Variants in CNTN5 observed in about 807,000 individuals in gnomAD.
CNTN5 encodes the protein contactin 5.
Under a neutral mutation model 129.1 loss-of-function variants are expected in CNTN5, and 77 were observed. The ratio of observed to expected loss-of-function variants is 0.60; its 90% CI spans 0.50 to 0.72. CNTN5 has a LOEUF of 0.72. Among genes scored for constraint, CNTN5 ranks in the 30% least tolerant of loss-of-function variants. CNTN5 has a pLI of 0.00. For synonymous variants in CNTN5, 509 were observed against 465.6 expected, an observed-to-expected ratio of 1.09 and a Z score of -1.20; for missense variants, 1,478 against 1,328.8, an observed-to-expected ratio of 1.11 and a Z score of -1.75.
At chr11:99,239,075 A>T (rs1196035499) in intron 1 of CNTN5, among the ~76,000 whole-genome samples, 1 of 152,042 alleles carries the variant, frequency 6.6e-6, no homozygotes, top group African/African-American at 2.4e-5. Flanking sequence ...TTTTTCATTC[A>T]TTGTAAACAG....
intron 1 of CNTN5, among the ~76,000 whole-genome samples, chr11:99,200,975 T>C (rs1173867225): frequency 6.6e-6 from 1 of 151,608 alleles, no homozygotes; most frequent in Non-Finnish European, 1.5e-5. Flanking sequence ...AAAAGTCTAT[T>C]TATAGCTTTC....
intron 2 of CNTN5, among the ~76,000 whole-genome samples, chr11:99,409,280 C>T (rs372767817): frequency 2.6e-4 from 39 of 152,058 alleles, no homozygotes; most frequent in East Asian, 1.2e-3. Context: ...CAAGCTAACA[C>T]GGTGAAACCG....
chr11:99,900,858 CT>C (rs1232521704), intron 6 of CNTN5, among the ~76,000 whole-genome samples: 1 of 151,844 alleles, frequency 6.6e-6, no homozygotes, highest in East Asian at 1.9e-4. Context: ...TTAATACTCC[CT>C]TTTTTTCATC....
chr11:100,089,887 T>G (rs59788361), intron 13 of CNTN5, among the ~76,000 whole-genome samples: 6,934 of 151,042 alleles, frequency 0.046, 225 homozygotes, highest in African/African-American at 0.095. Flanking sequence ...TACACTGGAG[T>G]GGGTTGGGGA....
chr11:99,232,819 CTT>C (rs1034163205), intron 1 of CNTN5, among the ~76,000 whole-genome samples: 3 of 152,152 alleles, frequency 2.0e-5, no homozygotes, highest in African/African-American at 7.2e-5. Flanking sequence ...TGGCTTGTCT[CTT>C]ATATTTCTGT....
intron 1 of CNTN5, among the ~76,000 whole-genome samples, chr11:99,032,885 G>A (rs1170858395): frequency 7.1e-6 from 1 of 141,780 alleles, no homozygotes; most frequent in African/African-American, 2.8e-5. Context: ...TTCTTCTAGG[G>A]TTTTTATGGT....
In CNTN5 at chr11:100,356,479, G is replaced by A. The variant is rs1591539988; in HGVS notation, c.*259G>A. 1 of 457,734 alleles carries A rather than the reference G, an allele frequency of 2.2e-6. No homozygotes were observed. The highest frequency in any genetic ancestry group is 3.5e-5 in the East Asian group (1 of 28,382). The allele number at this position is 457,734 out of a possible 1,614,324, so 28.4% of individuals were successfully genotyped here. A position where few individuals can be genotyped will look rare whatever the true frequency, so the allele number is the denominator to read the frequency against. ...TATGTAATGAATTTTTGTAAACAAA[G>A]GTAATTTCTGTCAAATGTATTCTTT... On this transcript the variant is annotated 3_prime_UTR_variant, in exon 25 of 25. Coordinates refer to ENST00000524871, the MANE Select transcript of CNTN5 (RefSeq NM_014361.4).
At chr11:99,660,697 C>G (rs971821681) in intron 3 of CNTN5, among the ~76,000 whole-genome samples, 7 of 152,116 alleles carry the variant, frequency 4.6e-5, no homozygotes, top group African/African-American at 1.7e-4. Flanking sequence ...GCTAGAGGAG[C>G]TGTGTAAATA....
intron 16 of CNTN5, among the ~76,000 whole-genome samples, chr11:100,229,206 C>CAT (rs1197180714): frequency 1.3e-5 from 2 of 151,992 alleles, no homozygotes; most frequent in South Asian, 2.1e-4. Flanking sequence ...TACACACACA[C>CAT]ACAAAATATT....
intron 13 of CNTN5, among the ~76,000 whole-genome samples, chr11:100,149,399 G>A (rs1374950238): frequency 6.6e-6 from 1 of 152,162 alleles, no homozygotes; most frequent in Non-Finnish European, 1.5e-5. Context: ...TGGAATTGAA[G>A]TATAGCTCTT....
intron 21 of CNTN5, among the ~76,000 whole-genome samples, chr11:100,329,891 C>T (rs972750818): frequency 6.6e-6 from 1 of 152,134 alleles, no homozygotes; most frequent in African/African-American, 2.4e-5. Flanking sequence ...CCGGAAAAAA[C>T]AATTCTGGTA....
At chr11:99,456,890 A>C (rs1944515849) in intron 2 of CNTN5, among the ~76,000 whole-genome samples, 1 of 152,072 alleles carries the variant, frequency 6.6e-6, no homozygotes, top group African/African-American at 2.4e-5. Flanking sequence ...TTTAATTTAA[A>C]TATTTTAATG....
At chr11:99,422,856 A>C (rs1265301315) in intron 2 of CNTN5, among the ~76,000 whole-genome samples, 1 of 152,118 alleles carries the variant, frequency 6.6e-6, no homozygotes, top group Non-Finnish European at 1.5e-5. Context: ...AGATTTTTGC[A>C]GACTAATAAG....
Position 99,954,182 on chromosome 11 carries a change from G to A in CNTN5, c.674-2624G>A, listed in dbSNP as rs554221502. On this transcript the variant is annotated intron_variant, in intron 7 of 24. Transcript: ENST00000524871. ...AAAGTAAACTACATAGAAAAATGGG[G>A]AAAAAAATTGATCCTAAGTAGGGTT... Among the ~76,000 whole-genome samples, 23 of 152,132 alleles carry A rather than the reference G, an allele frequency of 1.5e-4. No individual in the cohort carries two copies. In the South Asian group the frequency reaches 2.5e-3, roughly 16 times the overall value.
rs866885200 is a variant in CNTN5 at position 99,846,129 on chromosome 11, G to C, written c.577+867G>C. Among the ~76,000 whole-genome samples the C allele has an allele frequency of 4.2e-3, 601 of 144,714 alleles. 6 individuals carry two copies. Among genetic ancestry groups the C allele is most frequent in the African/African-American group, 0.014 (562 of 39,034 alleles). The allele number at this position is 144,714 out of a possible 152,430, so 94.9% of individuals were successfully genotyped here. ...TATTGTATGTGGCTATACGGACATA[G>C]ACACACACACACACACACACACACA... is the stretch of plus-strand genomic sequence containing the variant. On this transcript the variant is annotated intron_variant, in intron 6 of 24. Transcript: ENST00000524871.
intron 6 of CNTN5, among the ~76,000 whole-genome samples, chr11:99,880,609 A>G (rs1948747316): frequency 6.6e-6 from 1 of 152,182 alleles, no homozygotes; most frequent in African/African-American, 2.4e-5. Flanking sequence ...TTACAAATAC[A>G]ATTGAAATTG....
At chr11:99,750,967 G>C (rs1202142163) in intron 3 of CNTN5, among the ~76,000 whole-genome samples, 1 of 152,112 alleles carries the variant, frequency 6.6e-6, no homozygotes, top group Non-Finnish European at 1.5e-5. Context: ...AAAGTCACGT[G>C]GTCTTTCAAT....
chr11:99,991,746 T>TGG (rs1939113377), intron 8 of CNTN5, among the ~76,000 whole-genome samples: 2 of 142,116 alleles, frequency 1.4e-5, no homozygotes, highest in South Asian at 2.1e-4. Context: ...ACATGCAGGT[T>TGG]TGTTTGTTTG....
intron 3 of CNTN5, among the ~76,000 whole-genome samples, chr11:99,732,430 TAAC>T (rs763947822): frequency 1.3e-3 from 158 of 124,400 alleles, no homozygotes; most frequent in Non-Finnish European, 2.6e-3. Flanking sequence ...CTCAGTATAA[TAAC>T]TGAGTACTCA....
Sources: gnomAD v4.1 joint callset for allele counts (sites outside exome capture counted in the v4.1 genomes callset) on GRCh38, gnomAD v4.1.1 for gene constraint, MANE v1.5 for transcripts, NCBI Gene and HGNC (gene_info 2026-07-23, HGNC 2026-07-21) for gene names.